Variants in MAGI2 observed in about 807,000 individuals in gnomAD.
MAGI2 encodes the protein membrane-associated guanylate kinase, WW and PDZ domain-containing protein 2.
In MAGI2, 35 loss-of-function variants were observed where a neutral mutation model predicts 133.3. That is an observed-to-expected ratio of 0.26 (90% confidence interval 0.20 to 0.35). MAGI2 has a LOEUF of 0.35. MAGI2 is among the 10% of genes least tolerant of loss of function. MAGI2 has a pLI of 1.00. For missense variants in MAGI2, 1,636 were observed against 1,863.4 expected (o/e 0.88, Z 2.25); for synonymous variants, 729 against 710.6 (o/e 1.03, Z -0.41).
chr7:78,755,820 C>A (rs1056856747), intron 2 of MAGI2, among the ~76,000 whole-genome samples: 3 of 152,174 alleles, frequency 2.0e-5, no homozygotes, highest in African/African-American at 7.2e-5. Flanking sequence ...CACCCCAGCT[C>A]AATAAACAAA....
chr7:79,189,158 T>C (rs889760604), intron 1 of MAGI2, among the ~76,000 whole-genome samples: 1 of 151,702 alleles, frequency 6.6e-6, no homozygotes, highest in African/African-American at 2.4e-5. Flanking sequence ...GCTAGATATT[T>C]CTTTTTAGTA....
chr7:78,561,985 C>G (rs866736508), intron 3 of MAGI2, among the ~76,000 whole-genome samples: 1 of 152,114 alleles, frequency 6.6e-6, no homozygotes. Flanking sequence ...TCAGGACACA[C>G]CTGCTCCCCT....
intron 16 of MAGI2, among the ~76,000 whole-genome samples, chr7:78,151,918 A>G (rs1351881504): frequency 6.6e-6 from 1 of 152,222 alleles, no homozygotes; most frequent in Non-Finnish European, 1.5e-5. Context: ...TATGAGAAGC[A>G]TACAGCCCCA....
intron 9 of MAGI2, among the ~76,000 whole-genome samples, chr7:78,302,733 T>C (rs2151076600): frequency 6.6e-6 from 1 of 152,304 alleles, no homozygotes; most frequent in South Asian, 2.1e-4. Context: ...CGAATAGGCA[T>C]TTAAAATTTT....
At chr7:78,376,825 T>G (rs1329763501) in intron 6 of MAGI2, among the ~76,000 whole-genome samples, 3 of 152,140 alleles carry the variant, frequency 2.0e-5, no homozygotes, top group Admixed American at 6.5e-5. Context: ...TGTTGTCTGG[T>G]AAAGACTTAG....
intron 2 of MAGI2, among the ~76,000 whole-genome samples, chr7:78,968,429 T>G (rs973047519): frequency 4.2e-5 from 6 of 141,366 alleles, no homozygotes; most frequent in Non-Finnish European, 7.5e-5. Context: ...TGTCATCAGT[T>G]TTTTTTTTTT....
intron 6 of MAGI2, among the ~76,000 whole-genome samples, chr7:78,372,793 A>AT (rs1794055215): frequency 6.6e-6 from 1 of 152,128 alleles, no homozygotes; most frequent in South Asian, 2.1e-4. Context: ...AGCATGCTAT[A>AT]TTTTTTAAAT....
chr7:78,707,057 C>A (rs978661843), intron 2 of MAGI2, among the ~76,000 whole-genome samples: 1 of 152,044 alleles, frequency 6.6e-6, no homozygotes, highest in African/African-American at 2.4e-5. Context: ...AAGAAACTAA[C>A]AACTACTAAA....
intron 12 of MAGI2, among the ~76,000 whole-genome samples, chr7:78,191,454 G>A (rs931359705): frequency 7.9e-5 from 12 of 152,328 alleles, no homozygotes; most frequent in African/African-American, 2.6e-4. Flanking sequence ...TCTATGTGTT[G>A]TGTGTTTGTT....
At chr7:79,114,478 G>A (rs557952442) in intron 1 of MAGI2, among the ~76,000 whole-genome samples, 3 of 152,310 alleles carry the variant, frequency 2.0e-5, no homozygotes, top group South Asian at 2.1e-4. Context: ...GAAGGGATTT[G>A]TGAATTGTGG....
intron 7 of MAGI2, chr7:78,350,379 T>G (rs1312072494): frequency 1.3e-5 from 2 of 152,200 alleles, no homozygotes; most frequent in Non-Finnish European, 1.5e-5. Context: ...CTAAATCAAC[T>G]GATTCATAAT....
intron 1 of MAGI2, among the ~76,000 whole-genome samples, chr7:79,368,998 T>C (rs1284192298): frequency 6.6e-6 from 1 of 152,168 alleles, no homozygotes; most frequent in African/African-American, 2.4e-5. Flanking sequence ...AAGATCATTT[T>C]TAATAAAAAT....
At chr7:79,024,911 T>C (rs191522395) in intron 1 of MAGI2, among the ~76,000 whole-genome samples, 15 of 152,270 alleles carry the variant, frequency 9.9e-5, no homozygotes, top group African/African-American at 2.9e-4. Context: ...GCTGGGAATA[T>C]AAACTAGTTC....
chr7:78,070,192 T>TAC (rs1301308044), intron 21 of MAGI2, among the ~76,000 whole-genome samples: 2,630 of 31,700 alleles, frequency 0.083, 157 homozygotes, highest in African/African-American at 0.17. Flanking sequence ...TATATATATA[T>TAC]ATATATATAT....
chr7:79,449,066 A>G (rs1395952659), intron 1 of MAGI2, among the ~76,000 whole-genome samples: 1 of 152,144 alleles, frequency 6.6e-6, no homozygotes, highest in East Asian at 1.9e-4. Flanking sequence ...AAACAACACT[A>G]TTCATATACC....
At chr7:78,126,240 G>A (rs1048091249) in intron 19 of MAGI2, among the ~76,000 whole-genome samples, 2 of 144,284 alleles carry the variant, frequency 1.4e-5, no homozygotes, top group African/African-American at 5.2e-5. Flanking sequence ...TACAGAGTTT[G>A]CTGATTAGAA....
Position 78,612,805 on chromosome 7 carries a change from G to A in MAGI2, c.538+14315C>T, listed in dbSNP as rs1806611106. On this transcript the variant is annotated intron_variant, in intron 3 of 21. Transcript: ENST00000354212. ...CTGCCTCAGCCTCCCGAGAAGCTGG[G>A]ACTACAGGCGCCCGCCACCACGCCC... is the stretch of plus-strand genomic sequence containing the variant. Among the ~76,000 whole-genome samples the A allele has an allele frequency of 2.6e-5, 4 of 151,548 alleles. No homozygotes were observed. In the South Asian group the frequency reaches 8.3e-4, roughly 31 times the overall value.
intron 2 of MAGI2, among the ~76,000 whole-genome samples, chr7:78,646,341 T>A (rs1436217664): frequency 2.0e-5 from 3 of 152,146 alleles, no homozygotes; most frequent in African/African-American, 7.2e-5. Context: ...ACACTTATAA[T>A]CATATAAGAG....
chr7:78,255,080 C>T (rs1438560252), intron 10 of MAGI2: 1 of 152,258 alleles, frequency 6.6e-6, no homozygotes, highest in South Asian at 2.1e-4. Context: ...AGATAGTATC[C>T]TCTTTATCTA....
Sources: gnomAD v4.1 joint callset for allele counts (sites outside exome capture counted in the v4.1 genomes callset) on GRCh38, gnomAD v4.1.1 for gene constraint, MANE v1.5 for transcripts, NCBI Gene and HGNC (gene_info 2026-07-23, HGNC 2026-07-21) for gene names.